UNC79: variants seen among roughly 807,000 people sequenced by gnomAD.
UNC79 encodes protein unc-79 homolog.
Under a neutral mutation model 283.1 loss-of-function variants are expected in UNC79, and 37 were observed. That is an observed-to-expected ratio of 0.13 (90% CI 0.10 to 0.17). The LOEUF is 0.17. UNC79 is among the 10% of genes least tolerant of loss of function. UNC79 has a pLI of 1.00. For synonymous variants in UNC79, 1,107 were observed against 1,200.2 expected (o/e 0.92, Z 1.61); for missense variants, 2,272 against 3,211.1 (o/e 0.71, Z 7.07).
At chr14:93,456,069 G>C (rs17184369) in intron 1 of UNC79, among the ~76,000 whole-genome samples, 5,749 of 152,002 alleles carry the variant, frequency 0.038, 153 homozygotes, top group Non-Finnish European at 0.056. Context: ...GGAAAAGCTG[G>C]AACATGTGGC....
chr14:93,649,598 G>A (rs746683950), intron 35 of UNC79, among the ~76,000 whole-genome samples: 26 of 151,954 alleles, frequency 1.7e-4, no homozygotes, highest in Non-Finnish European at 3.4e-4. Flanking sequence ...AGGTATAATT[G>A]AGAAATAAAA....
chr14:93,484,946 G>A (rs1052490897), intron 4 of UNC79, among the ~76,000 whole-genome samples: 2 of 152,028 alleles, frequency 1.3e-5, no homozygotes, highest in African/African-American at 4.8e-5. Context: ...GGAATAGGAG[G>A]GACATCCAGA....
intron 1 of UNC79, among the ~76,000 whole-genome samples, chr14:93,357,743 A>G (rs2054124072): frequency 7.2e-6 from 1 of 138,520 alleles, no homozygotes; most frequent in South Asian, 2.2e-4. Context: ...GTATATATAT[A>G]TATGGATATA....
chr14:93,654,774 G>A (rs2070742158), intron 37 of UNC79, among the ~76,000 whole-genome samples: 1 of 152,036 alleles, frequency 6.6e-6, no homozygotes, highest in Non-Finnish European at 1.5e-5. Flanking sequence ...GTTTTCCAAG[G>A]GCAGAGTGGT....
intron 12 of UNC79, among the ~76,000 whole-genome samples, chr14:93,539,323 C>T (rs1023157724): frequency 6.7e-6 from 1 of 150,090 alleles, no homozygotes; most frequent in African/African-American, 2.4e-5. Context: ...GATTTCGAGA[C>T]CAGCCTGACC....
chr14:93,660,557 ATATATATGTG>A (rs1195257765), intron 39 of UNC79, among the ~76,000 whole-genome samples: 1 of 87,772 alleles, frequency 1.1e-5, no homozygotes, highest in African/African-American at 5.1e-5. Context: ...ATATATATAT[ATATATATGTG>A]TGTGTGTGTG....
At chr14:93,367,296 T>C (rs1398021822) in intron 1 of UNC79, among the ~76,000 whole-genome samples, 1 of 152,250 alleles carries the variant, frequency 6.6e-6, no homozygotes, top group African/African-American at 2.4e-5. Flanking sequence ...CAAGTAATAG[T>C]TGATTCATTA....
chr14:93,580,522 C>A, intron 19 of UNC79, 146 bp downstream of exon 19: 1 of 799,374 alleles, frequency 1.3e-6, no homozygotes, highest in Non-Finnish European at 1.9e-6. Flanking sequence ...TTTCCCATTG[C>A]TTCTGCCAAC....
chr14:93,497,074 T>C (rs562462562), intron 6 of UNC79, 83 bp from the exon 7 acceptor site: 1 of 1,490,454 alleles, frequency 6.7e-7, no homozygotes, highest in South Asian at 1.4e-5. Context: ...ATTAGAATTT[T>C]CACTGCTTTG....
rs1200747773 is a variant in UNC79, at chr14:93,652,041, C to T, written c.6084-1701C>T. ...CCTCCCAAAGTGCTGGGATTACAGGCGTGAGCCACCGCACCCCGCCTTTTG... is the reference window on the plus strand; with the variant it reads ...CCTCCCAAAGTGCTGGGATTACAGGTGTGAGCCACCGCACCCCGCCTTTTG... On this transcript the variant is annotated intron_variant, in intron 35 of 48. Transcript: ENST00000555664. 5.3e-5 allele frequency among the ~76,000 whole-genome samples: 8 copies of T among 149,672 alleles called. No homozygotes were observed. The East Asian group carries it at 6.0e-4, about 11-fold the overall frequency.
At chr14:93,571,746 T>G in intron 14 of UNC79, 148 bp from the exon 15 acceptor site, 2 of 703,396 alleles carry the variant, frequency 2.8e-6, no homozygotes, top group Non-Finnish European at 4.4e-6. Context: ...GTCTTACGAA[T>G]CAATCTCACA....
intron 1 of UNC79, chr14:93,397,119 TTTA>T (rs1179888721): frequency 2.1e-5 from 2 of 97,066 alleles, no homozygotes; most frequent in African/African-American, 4.0e-5. Flanking sequence ...AATTTATTTG[TTTA>T]TTTTTTATTT....
chr14:93,368,627 C>A (rs997796405), intron 1 of UNC79, among the ~76,000 whole-genome samples: 1 of 152,030 alleles, frequency 6.6e-6, no homozygotes, highest in Non-Finnish European at 1.5e-5. Context: ...CATGCCACCA[C>A]ACCCAGCTAA....
intron 1 of UNC79, among the ~76,000 whole-genome samples, chr14:93,417,445 G>T (rs939312375): frequency 6.6e-6 from 1 of 152,106 alleles, no homozygotes; most frequent in African/African-American, 2.4e-5. Flanking sequence ...CTCTCTGGCT[G>T]CCCTTAACAT....
Position 93,660,563 on chromosome 14 carries a change from A to ATATATATGTGTG in UNC79, c.6525+1303_6525+1304insATATATGTGTGT, listed in dbSNP as rs1203621990. On this transcript the variant is annotated intron_variant, in intron 39 of 48. Transcript: ENST00000555664. ...TATATATATATATATATATATATAT[A>ATATATATGTGTG]TGTGTGTGTGTGTGTGTTCATTTTA... Among the ~76,000 whole-genome samples the ATATATATGTGTG allele has an allele frequency of 1.3e-3, 84 of 64,728 alleles. 1 individual carries two copies. Among genetic ancestry groups the ATATATATGTGTG allele is most frequent in the African/African-American group, 2.6e-3 (40 of 15,660 alleles). The allele number at this position is 64,728 out of a possible 152,430, so 42.5% of individuals were successfully genotyped here. A position where few individuals can be genotyped will look rare whatever the true frequency, so the allele number is the denominator to read the frequency against.
At chr14:93,655,305 C>T in exon 38 of UNC79, 1 of 1,614,172 alleles carries the variant, frequency 6.2e-7, no homozygotes, top group Non-Finnish European at 8.5e-7. Flanking sequence ...TTGCAACCTT[C>T]ATGGAAGCTT....
intron 41 of UNC79, among the ~76,000 whole-genome samples, chr14:93,679,287 C>T (rs534703827): frequency 3.3e-5 from 5 of 152,172 alleles, no homozygotes; most frequent in East Asian, 3.9e-4. Flanking sequence ...GGTGAAACCC[C>T]GTCTCTACTA....
At chr14:93,338,783 C>A (rs2139871318) in intron 1 of UNC79, among the ~76,000 whole-genome samples, 1 of 152,238 alleles carries the variant, frequency 6.6e-6, no homozygotes, top group South Asian at 2.1e-4. Flanking sequence ...GTGGCATGTG[C>A]CTGTAGTCCT....
chr14:93,357,905 C>A (rs1420517564), intron 1 of UNC79, among the ~76,000 whole-genome samples: 1 of 26,726 alleles, frequency 3.7e-5, no homozygotes, highest in African/African-American at 1.4e-4. Flanking sequence ...AGATATATAT[C>A]TATATATATC....
Sources: gnomAD v4.1 joint callset for allele counts (sites outside exome capture counted in the v4.1 genomes callset) on GRCh38, gnomAD v4.1.1 for gene constraint, MANE v1.5 for transcripts, NCBI Gene and HGNC (gene_info 2026-07-23, HGNC 2026-07-21) for gene names.